The following CDK8 variants were observed in gnomAD, a reference collection of about 807,000 sequenced individuals.
CDK8 encodes cyclin-dependent kinase 8.
Under a neutral mutation model 71.5 loss-of-function variants are expected in CDK8, and 29 were observed. The observed-to-expected ratio is 0.41, with a 90% CI of 0.30 to 0.55. The LOEUF is 0.55. CDK8 is among the 20% of genes least tolerant of loss of function. The pLI, the probability that CDK8 is intolerant of heterozygous loss-of-function variation, is 0.37. For synonymous variants in CDK8, 161 were observed against 192.1 expected (o/e 0.84, Z 1.34); for missense variants, 288 against 572.6 (o/e 0.50, Z 5.07).
At chr13:26,357,835 C>T (rs1400326291) in intron 4 of CDK8, among the ~76,000 whole-genome samples, 2 of 152,188 alleles carry the variant, frequency 1.3e-5, no homozygotes, top group East Asian at 3.8e-4. Context: ...TCTATGAAGG[C>T]ATTCAACTGA....
chr13:26,399,210 A>G (rs1478604279), intron 9 of CDK8, among the ~76,000 whole-genome samples: 1 of 151,900 alleles, frequency 6.6e-6, no homozygotes, highest in Non-Finnish European at 1.5e-5. Context: ...GGGTTTCACC[A>G]TGTTGACCAG....
At chr13:26,307,744 A>G (rs1392151971) in intron 1 of CDK8, among the ~76,000 whole-genome samples, 1 of 152,214 alleles carries the variant, frequency 6.6e-6, no homozygotes, top group East Asian at 1.9e-4. Flanking sequence ...TTATACTTCT[A>G]TACCATGTAT....
intron 1 of CDK8, among the ~76,000 whole-genome samples, chr13:26,296,977 G>A (rs1370940093): frequency 6.6e-6 from 1 of 152,098 alleles, no homozygotes; most frequent in Non-Finnish European, 1.5e-5. Flanking sequence ...ACTAACCAAG[G>A]ACTAGGACCT....
At chr13:26,399,250 TCCA>T (rs1876142027) in intron 9 of CDK8, among the ~76,000 whole-genome samples, 2 of 152,166 alleles carry the variant, frequency 1.3e-5, no homozygotes, top group Non-Finnish European at 2.9e-5. Context: ...CCTCAGGTGA[TCCA>T]TCCACCTTGG....
At chr13:26,363,706 TGTC>T (rs1874255118) in intron 4 of CDK8, among the ~76,000 whole-genome samples, 1 of 152,140 alleles carries the variant, frequency 6.6e-6, no homozygotes, top group Non-Finnish European at 1.5e-5. Flanking sequence ...ATAGTGTTGC[TGTC>T]CTGCAGTTTA....
intron 9 of CDK8, among the ~76,000 whole-genome samples, chr13:26,399,042 A>G (rs923481153): frequency 5.3e-5 from 8 of 149,860 alleles, no homozygotes; most frequent in African/African-American, 2.0e-4. Flanking sequence ...ACACAGTTTC[A>G]TTGTGTCACC....
chr13:26,295,600 G>C (rs1376326886), intron 1 of CDK8, among the ~76,000 whole-genome samples: 1 of 152,128 alleles, frequency 6.6e-6, no homozygotes, highest in Non-Finnish European at 1.5e-5. Flanking sequence ...GTAATGAGTA[G>C]TCTGTTTTTC....
chr13:26,255,644 GA>G (rs560294089), intron 1 of CDK8, among the ~76,000 whole-genome samples: 17 of 152,130 alleles, frequency 1.1e-4, no homozygotes, highest in South Asian at 6.2e-4. Context: ...TAGTTGGGGG[GA>G]AAATATATTT....
At chr13:26,387,353 T>C (rs962088844) in intron 6 of CDK8, among the ~76,000 whole-genome samples, 1 of 152,204 alleles carries the variant, frequency 6.6e-6, no homozygotes, top group Non-Finnish European at 1.5e-5. Flanking sequence ...TCTCTTTGTA[T>C]TTAAAAATCA....
chr13:26,285,026 A>G (rs1328607720), intron 1 of CDK8, among the ~76,000 whole-genome samples: 1 of 152,010 alleles, frequency 6.6e-6, no homozygotes, highest in East Asian at 1.9e-4. Context: ...ATCACCTGAG[A>G]TCAGGAGTTT....
At position 26,317,007 on chromosome 13, in the gene CDK8, T is replaced by G. The variant is rs188229286; in HGVS notation, c.129-20560T>G. Among the ~76,000 whole-genome samples the G allele has an allele frequency of 1.2e-3, 189 of 151,824 alleles. 2 individuals are homozygous for G. The highest frequency in any genetic ancestry group is 5.6e-3 in the South Asian group (27 of 4,788). ...CAAAATGGAAATGTCAATTAAGAGA[T>G]AGAAAACCTAAAAACCTAAAGGACA... On this transcript the variant is annotated intron_variant, in intron 1 of 12. Coordinates refer to ENST00000381527, the MANE Select transcript of CDK8 (RefSeq NM_001260.3).
chr13:26,388,929 G>T (rs1384921811), intron 6 of CDK8, among the ~76,000 whole-genome samples: 1 of 151,942 alleles, frequency 6.6e-6, no homozygotes, highest in East Asian at 1.9e-4. Flanking sequence ...TCAAATGATG[G>T]GCCTTACCCT....
chr13:26,312,866 C>T (rs1289912914), intron 1 of CDK8, among the ~76,000 whole-genome samples: 4 of 152,090 alleles, frequency 2.6e-5, no homozygotes, highest in Non-Finnish European at 2.9e-5. Flanking sequence ...TAATAAATTT[C>T]CTTAGAAATT....
chr13:26,391,069 A>G (rs948726659), intron 6 of CDK8, among the ~76,000 whole-genome samples: 3 of 152,070 alleles, frequency 2.0e-5, no homozygotes, highest in Admixed American at 6.6e-5. Context: ...TATCTGCAAT[A>G]ATAGCCTGAT....
chr13:26,271,674 G>T (rs1250167379), intron 1 of CDK8, among the ~76,000 whole-genome samples: 2 of 151,914 alleles, frequency 1.3e-5, no homozygotes, highest in Non-Finnish European at 2.9e-5. Context: ...ACTGGGCTTG[G>T]TGGTATTTGC....
chr13:26,337,819 A>G (rs1012664970), intron 2 of CDK8, among the ~76,000 whole-genome samples, 177 bp downstream of exon 2: 3 of 152,122 alleles, frequency 2.0e-5, no homozygotes, highest in African/African-American at 7.2e-5. Flanking sequence ...AGTTCTGTCT[A>G]TATAAACTCT....
At chr13:26,277,345 G>A (rs973027154) in intron 1 of CDK8, among the ~76,000 whole-genome samples, 5 of 152,160 alleles carry the variant, frequency 3.3e-5, no homozygotes, top group African/African-American at 1.2e-4. Context: ...CAAATATTGA[G>A]GCTCATTGAG....
chr13:26,301,454 A>G (rs558452156), intron 1 of CDK8, among the ~76,000 whole-genome samples: 4 of 152,294 alleles, frequency 2.6e-5, no homozygotes, highest in African/African-American at 9.6e-5. Context: ...GTATGGTATC[A>G]CAGGAAGAAA....
At chr13:26,326,104 T>C (rs759508991) in intron 1 of CDK8, among the ~76,000 whole-genome samples, 14 of 152,204 alleles carry the variant, frequency 9.2e-5, no homozygotes, top group Non-Finnish European at 1.8e-4. Flanking sequence ...AGTGTGGTTT[T>C]GGTGTTGACA....
Sources: gnomAD v4.1 joint callset for allele counts (sites outside exome capture counted in the v4.1 genomes callset) on GRCh38, gnomAD v4.1.1 for gene constraint, MANE v1.5 for transcripts, NCBI Gene and HGNC (gene_info 2026-07-23, HGNC 2026-07-21) for gene names.